Variants in TLK1 observed in about 807,000 individuals in gnomAD.
The protein encoded by TLK1 is serine/threonine-protein kinase tousled-like 1.
TLK1 carries 24 observed loss-of-function variants against 105.3 expected under a neutral mutation model. The observed-to-expected ratio is 0.23, with a 90% CI of 0.17 to 0.32. The LOEUF (loss-of-function observed/expected upper bound fraction) is 0.32, where lower values mean the gene tolerates loss of function less well. Ranked by LOEUF, TLK1 falls within the 10% of genes least tolerant of loss-of-function variation. TLK1 has a pLI of 1.00. For synonymous variants in TLK1, 321 were observed against 310.4 expected, an observed-to-expected ratio of 1.03 and a Z score of -0.36; for missense variants, 558 against 910.5, an observed-to-expected ratio of 0.61 and a Z score of 4.98.
At chr2:171,175,708 C>T (rs1225039174) in intron 1 of TLK1, among the ~76,000 whole-genome samples, 4 of 152,164 alleles carry the variant, frequency 2.6e-5, no homozygotes, top group Non-Finnish European at 5.9e-5. Flanking sequence ...GTATTTGATT[C>T]AGCTGATTGC....
intron 11 of TLK1, among the ~76,000 whole-genome samples, chr2:171,036,076 C>A (rs1413733824): frequency 6.6e-6 from 1 of 152,144 alleles, no homozygotes; most frequent in Non-Finnish European, 1.5e-5. Flanking sequence ...GTAGAATGCG[C>A]CTTTAATAAA....
At chr2:171,020,819 T>C (rs1156357039) in intron 12 of TLK1, among the ~76,000 whole-genome samples, 1 of 152,028 alleles carries the variant, frequency 6.6e-6, no homozygotes, top group African/African-American at 2.4e-5. Flanking sequence ...TTGAGAATAA[T>C]TGTGTAGATT....
chr2:171,119,044 C>T (rs755712055), intron 1 of TLK1, among the ~76,000 whole-genome samples: 5 of 152,188 alleles, frequency 3.3e-5, no homozygotes, highest in Non-Finnish European at 7.3e-5. Flanking sequence ...TTTGACCTCA[C>T]TCCTTCTTGA....
At chr2:171,213,924 G>A (rs1454865184) in intron 1 of TLK1, among the ~76,000 whole-genome samples, 1 of 150,754 alleles carries the variant, frequency 6.6e-6, no homozygotes, top group African/African-American at 2.4e-5. Context: ...AAGAGGTCTT[G>A]TTATGTTGAC....
chr2:171,016,232 C>T lies in TLK1; in HGVS notation c.1237-1284G>A, dbSNP rs538641814. 3.3e-5 allele frequency among the ~76,000 whole-genome samples: 5 copies of T among 152,310 alleles called. No individual in the cohort carries two copies. In the South Asian group the frequency reaches 6.2e-4, roughly 19 times the overall value. Reference sequence around the variant, plus strand: ...TCACAGTTCACTGCAGCCTCGACCCCGCAAGCTCAAGCAATCCTCCTGCCT... The same window carrying T: ...TCACAGTTCACTGCAGCCTCGACCCTGCAAGCTCAAGCAATCCTCCTGCCT... On this transcript the variant is annotated intron_variant, in intron 12 of 20. Transcript: ENST00000431350.
chr2:171,150,143 G>A (rs1462545342), intron 1 of TLK1, among the ~76,000 whole-genome samples: 3 of 152,038 alleles, frequency 2.0e-5, no homozygotes, highest in Non-Finnish European at 1.5e-5. Flanking sequence ...ACCCTACCTG[G>A]TTCAAAAGTA....
chr2:171,127,657 T>A (rs1558957236), intron 1 of TLK1, among the ~76,000 whole-genome samples: 1 of 152,146 alleles, frequency 6.6e-6, no homozygotes, highest in Non-Finnish European at 1.5e-5. Context: ...TTTAGAACAT[T>A]AATCCATTTA....
At chr2:171,192,805 A>C (rs1693181085) in intron 1 of TLK1, among the ~76,000 whole-genome samples, 1 of 152,228 alleles carries the variant, frequency 6.6e-6, no homozygotes, top group African/African-American at 2.4e-5. Flanking sequence ...GGCCATCTGT[A>C]CATGCTTCAA....
intron 1 of TLK1, among the ~76,000 whole-genome samples, chr2:171,133,590 C>A (rs952150987): frequency 6.6e-6 from 1 of 151,858 alleles, no homozygotes; most frequent in African/African-American, 2.4e-5. Context: ...CAGAGTGAGA[C>A]CCTGTCTAAA....
At chr2:170,998,041 T>C (rs1344904018) in intron 18 of TLK1, among the ~76,000 whole-genome samples, 1 of 143,640 alleles carries the variant, frequency 7.0e-6, no homozygotes, top group Non-Finnish European at 1.5e-5. Flanking sequence ...CATCTCTATC[T>C]ATCTTTATCT....
chr2:171,080,596 G>C (rs1688707322), intron 3 of TLK1, among the ~76,000 whole-genome samples: 1 of 147,950 alleles, frequency 6.8e-6, no homozygotes, highest in Non-Finnish European at 1.5e-5. Flanking sequence ...TTATTTCTTT[G>C]AATCTTAAGG....
intron 18 of TLK1, among the ~76,000 whole-genome samples, chr2:170,998,878 C>T (rs143381079): frequency 5.3e-5 from 8 of 152,308 alleles, no homozygotes; most frequent in East Asian, 3.9e-4. Flanking sequence ...ATGTGACCCT[C>T]GCACCTTAGC....
chr2:171,213,716 G>A (rs1693662026), intron 1 of TLK1, among the ~76,000 whole-genome samples: 1 of 147,394 alleles, frequency 6.8e-6, no homozygotes, highest in Non-Finnish European at 1.5e-5. Context: ...CTTGACCCCT[G>A]GAGTTTGAGG....
intron 2 of TLK1, among the ~76,000 whole-genome samples, chr2:171,088,088 TG>T (rs1689062296): frequency 6.6e-6 from 1 of 152,046 alleles, no homozygotes; most frequent in African/African-American, 2.4e-5. Flanking sequence ...CCCAGCACTT[TG>T]GGGGGCTGAA....
At chr2:171,104,254 C>A (rs1292364200) in intron 2 of TLK1, among the ~76,000 whole-genome samples, 4 of 142,384 alleles carry the variant, frequency 2.8e-5, no homozygotes, top group Non-Finnish European at 4.5e-5. Context: ...CCAGCCTGGG[C>A]AACAGAGTTG....
In TLK1 at chr2:171,033,200, T is replaced by C. The variant is rs767442544; in HGVS notation, c.1170-4795A>G. 1.3e-4 allele frequency among the ~76,000 whole-genome samples: 19 copies of C among 151,306 alleles called. No homozygotes were observed. In the South Asian group the frequency reaches 3.5e-3, roughly 28 times the overall value. ...CAGCCTGGGTGACAGAGCAAGACCC[T>C]GTCTCAAAACAAAACAAAACAAAAC... On this transcript the variant is annotated intron_variant, in intron 11 of 20. Coordinates refer to ENST00000431350, the MANE Select transcript of TLK1 (RefSeq NM_012290.5).
intron 13 of TLK1, among the ~76,000 whole-genome samples, chr2:171,012,508 A>G (rs1356836114): frequency 2.0e-5 from 3 of 151,862 alleles, no homozygotes; most frequent in Non-Finnish European, 2.9e-5. Context: ...TTTTTTGGAG[A>G]CAGAGTCTCG....
At chr2:171,109,276 G>C (rs1446081865) in intron 2 of TLK1, among the ~76,000 whole-genome samples, 16 of 152,144 alleles carry the variant, frequency 1.1e-4, no homozygotes, top group Admixed American at 1.0e-3. Flanking sequence ...CTTTCCAACT[G>C]TAATGCAACA....
intron 1 of TLK1, among the ~76,000 whole-genome samples, chr2:171,193,700 ATTTTTTTTTTTTTTTTTTTTT>A (rs35175399): frequency 3.1e-5 from 2 of 64,634 alleles, no homozygotes; most frequent in East Asian, 4.3e-4. Flanking sequence ...AGCGCCTGGC[ATTTTTTTTTTTTTTTTTTTTT>A]TTTTTTTTTT....
Sources: gnomAD v4.1 joint callset for allele counts (sites outside exome capture counted in the v4.1 genomes callset) on GRCh38, gnomAD v4.1.1 for gene constraint, MANE v1.5 for transcripts, NCBI Gene and HGNC (gene_info 2026-07-23, HGNC 2026-07-21) for gene names.